Variants in SLC8A1 observed in about 807,000 individuals in gnomAD.
SLC8A1 encodes sodium/calcium exchanger 1.
Under a neutral mutation model 68.3 loss-of-function variants are expected in SLC8A1, and 18 were observed. The ratio of observed to expected loss-of-function variants is 0.26; its 90% CI spans 0.18 to 0.39. The LOEUF (loss-of-function observed/expected upper bound fraction) is 0.39. Ranked by LOEUF, SLC8A1 falls within the 10% of genes least tolerant of loss-of-function variation. The probability of loss-of-function intolerance (pLI) is 1.00; values close to 1 mark genes in which losing one functional copy is unlikely to be tolerated. For missense variants in SLC8A1, 985 were observed against 1,156.7 expected (o/e 0.85, Z 2.15); for synonymous variants, 475 against 415.5 (o/e 1.14, Z -1.74).
intron 2 of SLC8A1, among the ~76,000 whole-genome samples, chr2:40,250,007 A>G (rs1364281100): frequency 1.3e-5 from 2 of 152,316 alleles, no homozygotes; most frequent in East Asian, 3.9e-4. Context: ...TTCCGGGTGT[A>G]TGTATGTGTG....
intron 2 of SLC8A1, among the ~76,000 whole-genome samples, chr2:40,380,463 C>G (rs1253501957): frequency 6.6e-6 from 1 of 152,106 alleles, no homozygotes; most frequent in Non-Finnish European, 1.5e-5. Flanking sequence ...GAAAAAAAGA[C>G]AAACTTATCT....
intron 2 of SLC8A1, among the ~76,000 whole-genome samples, chr2:40,330,014 C>T (rs144766254): frequency 6.6e-6 from 1 of 152,138 alleles, no homozygotes; most frequent in Non-Finnish European, 1.5e-5. Flanking sequence ...ACTTCAGAAG[C>T]ATAAACTAAT....
chr2:40,429,444 T>C (rs903195536), exon 2 of SLC8A1: 6 of 1,613,908 alleles, frequency 3.7e-6, no homozygotes, highest in East Asian at 2.2e-5. Context: ...GCCTGTCTCC[T>C]TCATGTTCAA....
At chr2:40,346,018 T>A (rs1233813784) in intron 2 of SLC8A1, among the ~76,000 whole-genome samples, 1 of 25,682 alleles carries the variant, frequency 3.9e-5, no homozygotes, top group African/African-American at 1.7e-4. Context: ...AAAATTAAAA[T>A]AAATAAACAC....
intron 7 of SLC8A1, among the ~76,000 whole-genome samples, chr2:40,118,775 A>T (rs1471288115): frequency 6.6e-6 from 1 of 152,004 alleles, no homozygotes; most frequent in Non-Finnish European, 1.5e-5. Flanking sequence ...GCTGGTGGTG[A>T]ACAGATGGCC....
At chr2:40,486,585 A>AT (rs1040144738) in intron 1 of SLC8A1, among the ~76,000 whole-genome samples, 7 of 152,182 alleles carry the variant, frequency 4.6e-5, no homozygotes, top group African/African-American at 9.7e-5. Flanking sequence ...AAATTGTTAC[A>AT]TTTTTTAAAA....
At chr2:40,327,534 T>G (rs968387698) in intron 2 of SLC8A1, among the ~76,000 whole-genome samples, 2 of 152,074 alleles carry the variant, frequency 1.3e-5, no homozygotes, top group African/African-American at 4.8e-5. Context: ...GAGGCACAAA[T>G]GAATGAGTTT....
chr2:40,496,402 G>A (rs904447645), intron 1 of SLC8A1, among the ~76,000 whole-genome samples: 3 of 152,074 alleles, frequency 2.0e-5, no homozygotes, highest in African/African-American at 7.2e-5. Context: ...TGTATGGCAC[G>A]TATTTCAAAC....
intron 2 of SLC8A1, among the ~76,000 whole-genome samples, chr2:40,216,311 C>G (rs1272497722): frequency 2.6e-5 from 4 of 152,146 alleles, no homozygotes; most frequent in Non-Finnish European, 5.9e-5. Flanking sequence ...CAGCTTCATC[C>G]ATGTCCTTGC....
At chr2:40,233,295 C>T (rs2059926986) in intron 2 of SLC8A1, among the ~76,000 whole-genome samples, 1 of 152,214 alleles carries the variant, frequency 6.6e-6, no homozygotes, top group African/African-American at 2.4e-5. Context: ...ACCATTCTAA[C>T]TGGTGTGAGA....
intron 1 of SLC8A1, among the ~76,000 whole-genome samples, chr2:40,500,795 CTTTTTTTTTTTTTTTT>C (rs1191619172): frequency 2.7e-5 from 1 of 37,230 alleles, no homozygotes; most frequent in East Asian, 1.0e-3. Context: ...TATCATCTGA[CTTTTTTTTTTTTTTTT>C]TTTTTTTTTT....
At chr2:40,287,091 G>A (rs1335225503) in intron 2 of SLC8A1, among the ~76,000 whole-genome samples, 3 of 152,144 alleles carry the variant, frequency 2.0e-5, no homozygotes, top group Non-Finnish European at 4.4e-5. Context: ...AACTCAGTAA[G>A]CAATGTTACA....
At chr2:40,375,549 T>G (rs750533630) in intron 2 of SLC8A1, among the ~76,000 whole-genome samples, 1 of 152,160 alleles carries the variant, frequency 6.6e-6, no homozygotes, top group African/African-American at 2.4e-5. Context: ...TAAACTTTCA[T>G]GTATATGACT....
Position 40,430,312 on chromosome 2 carries a change from AAAT to A in SLC8A1, c.-24-11_-24-9del. ...TCCAACTGTCACAACCTACTGGTAAAAATAAGATGGGGGAGAGGGCAGAAAAAA... is the reference window on the plus strand; with the variant it reads ...TCCAACTGTCACAACCTACTGGTAAAAAGATGGGGGAGAGGGCAGAAAAAA... On this transcript the variant is annotated splice_polypyrimidine_tract_variant and intron_variant, in intron 1 of 7. Coordinates refer to ENST00000406785, the Ensembl canonical transcript of SLC8A1. The A allele has an allele frequency of 3.2e-6, 5 of 1,570,492 alleles. No homozygotes were observed. The highest frequency in any genetic ancestry group is 4.3e-6 in the Non-Finnish European group (5 of 1,160,214).
chr2:40,458,704 T>A (rs1703167341), intron 1 of SLC8A1, among the ~76,000 whole-genome samples: 1 of 152,122 alleles, frequency 6.6e-6, no homozygotes, highest in South Asian at 2.1e-4. Context: ...GCCTCAGGCT[T>A]GAGTTTGTAA....
At chr2:40,103,061 A>C (rs2033990037) in exon 8 of SLC8A1, 1 of 152,156 alleles carries the variant, frequency 6.6e-6, no homozygotes, top group Non-Finnish European at 1.5e-5. Flanking sequence ...TTTCCCCCTG[A>C]CAAATTTAGC....
At chr2:40,385,541 C>T (rs1683293830) in intron 2 of SLC8A1, among the ~76,000 whole-genome samples, 1 of 150,622 alleles carries the variant, frequency 6.6e-6, no homozygotes, top group Non-Finnish European at 1.5e-5. Context: ...ATAATAACAT[C>T]AATATAATGT....
chr2:40,275,228 T>C (rs966543257), intron 2 of SLC8A1, among the ~76,000 whole-genome samples: 1 of 152,204 alleles, frequency 6.6e-6, no homozygotes, highest in Non-Finnish European at 1.5e-5. Context: ...TATATACCTT[T>C]GCAGGTAAGT....
At chr2:40,308,728 G>T (rs548247906) in intron 2 of SLC8A1, among the ~76,000 whole-genome samples, 4 of 152,118 alleles carry the variant, frequency 2.6e-5, no homozygotes, top group African/African-American at 7.2e-5. Context: ...TCAGTCCTAT[G>T]GGGGAAAGGG....
Sources: gnomAD v4.1 joint callset for allele counts (sites outside exome capture counted in the v4.1 genomes callset) on GRCh38, gnomAD v4.1.1 for gene constraint, MANE v1.5 for transcripts, NCBI Gene and HGNC (gene_info 2026-07-23, HGNC 2026-07-21) for gene names.